Variants in CLEC16A observed in about 807,000 individuals in gnomAD.
CLEC16A encodes the protein protein CLEC16A.
A neutral mutation model predicts 109.5 loss-of-function variants in CLEC16A; 51 were observed. The observed-to-expected ratio is 0.47, with a 90% CI of 0.37 to 0.59. CLEC16A has a LOEUF of 0.59. Ranked by LOEUF, CLEC16A falls within the 20% of genes least tolerant of loss-of-function variation. The pLI, the probability that CLEC16A is intolerant of heterozygous loss-of-function variation, is 0.00. For synonymous variants in CLEC16A, 673 were observed against 564.2 expected (o/e 1.19, Z -2.73); for missense variants, 1,339 against 1,394.0 (o/e 0.96, Z 0.63).
intron 1 of CLEC16A, among the ~76,000 whole-genome samples, chr16:10,952,872 A>T (rs1434800396): frequency 6.6e-6 from 1 of 152,250 alleles, no homozygotes; most frequent in Admixed American, 6.5e-5. Context: ...AACTCTAACA[A>T]TAGATCTGCA....
intron 11 of CLEC16A, among the ~76,000 whole-genome samples, chr16:11,019,352 A>C (rs1267733419): frequency 6.6e-6 from 1 of 152,192 alleles, no homozygotes; most frequent in Non-Finnish European, 1.5e-5. Context: ...TGATTGCTAC[A>C]GGTTACCCTT....
chr16:11,142,434 C>T lies in CLEC16A; in HGVS notation c.2641+16288C>T, dbSNP rs181302213. Among the ~76,000 whole-genome samples the T allele has an allele frequency of 4.6e-4, 70 of 152,366 alleles. 1 individual carries two copies. Among genetic ancestry groups the T allele is most frequent in the Non-Finnish European group, 4.1e-4 (28 of 68,036 alleles). On this transcript the variant is annotated intron_variant, in intron 22 of 23. Coordinates refer to ENST00000409790, the MANE Select transcript of CLEC16A (RefSeq NM_015226.3). ...CCTGTGCTTGGCCCTTGGCACTAAG[C>T]AGCTGTCTAGGCTTCATGAGCCGAG...
In CLEC16A at chr16:11,180,103, C is replaced by A. The variant is rs544827025; in HGVS notation, c.*1413C>A. 3 of 152,410 alleles carry A rather than the reference C, an allele frequency of 2.0e-5. No homozygotes were observed. The South Asian group carries it at 6.2e-4, about 32-fold the overall frequency. The allele number at this position is 152,410 out of a possible 1,614,324, so 9.4% of individuals were successfully genotyped here. ...GTGCCCACCAGGGGCATTAGGTATC[C>A]GCCGGAGCCTGGCCATAGGGTAGTC... On this transcript the variant is annotated 3_prime_UTR_variant, in exon 24 of 24. Transcript: ENST00000409790.
chr16:10,972,482 G>A, intron 5 of CLEC16A, 72 bp from the exon 6 acceptor site: 2 of 1,450,450 alleles, frequency 1.4e-6, no homozygotes, highest in Non-Finnish European at 1.9e-6. Flanking sequence ...ACCTTCCCAG[G>A]TCCTAACCCT....
intron 20 of CLEC16A, among the ~76,000 whole-genome samples, chr16:11,121,710 T>C (rs1421779030): frequency 2.0e-5 from 3 of 150,838 alleles, no homozygotes; most frequent in Non-Finnish European, 3.0e-5. Context: ...TGAAACCCCG[T>C]CTCTACTAAA....
chr16:11,112,789 G>T (rs996079328), intron 19 of CLEC16A, among the ~76,000 whole-genome samples: 4 of 152,230 alleles, frequency 2.6e-5, no homozygotes, highest in Admixed American at 6.5e-5. Flanking sequence ...TTGGAACAAG[G>T]TTCCGCTAGG....
intron 2 of CLEC16A, among the ~76,000 whole-genome samples, chr16:10,960,606 T>G (rs984243772): frequency 1.3e-5 from 2 of 152,232 alleles, no homozygotes; most frequent in African/African-American, 4.8e-5. Context: ...CCCCACACTG[T>G]TCTTTAGAAG....
At chr16:11,114,128 C>CGT (rs3030600) in intron 19 of CLEC16A, among the ~76,000 whole-genome samples, 19,323 of 127,040 alleles carry the variant, frequency 0.15, 1,568 homozygotes, top group Admixed American at 0.22. Context: ...TGAGGATGGC[C>CGT]GTGTGTGTGT....
At chr16:10,956,675 T>G (rs1411143359) in intron 1 of CLEC16A, among the ~76,000 whole-genome samples, 1 of 152,062 alleles carries the variant, frequency 6.6e-6, no homozygotes, top group Non-Finnish European at 1.5e-5. Context: ...ATTCTTTTGG[T>G]CTCCCCCACC....
intron 10 of CLEC16A, among the ~76,000 whole-genome samples, chr16:10,999,064 T>C (rs954764674): frequency 6.6e-6 from 1 of 152,242 alleles, no homozygotes; most frequent in Non-Finnish European, 1.5e-5. Flanking sequence ...TTAGTCCCAA[T>C]GTCCAAATGA....
At chr16:11,064,945 T>C (rs550375061) in intron 19 of CLEC16A, among the ~76,000 whole-genome samples, 2 of 152,320 alleles carry the variant, frequency 1.3e-5, no homozygotes, top group South Asian at 4.1e-4. Flanking sequence ...CTGAAACTCA[T>C]CCTGCTGGGC....
chr16:11,123,205 G>C (rs2052561251), intron 20 of CLEC16A, among the ~76,000 whole-genome samples: 1 of 152,076 alleles, frequency 6.6e-6, no homozygotes, highest in Non-Finnish European at 1.5e-5. Context: ...CCCAGCCCCT[G>C]TCCCTTTCTC....
chr16:11,043,566 T>G (rs931629779), intron 15 of CLEC16A, among the ~76,000 whole-genome samples: 2 of 152,126 alleles, frequency 1.3e-5, no homozygotes, highest in Admixed American at 1.3e-4. Flanking sequence ...CTCTCTCTCA[T>G]TAAGAACTAT....
intron 22 of CLEC16A, among the ~76,000 whole-genome samples, chr16:11,155,357 G>T (rs992949172): frequency 1.3e-5 from 2 of 152,188 alleles, no homozygotes; most frequent in African/African-American, 2.4e-5. Flanking sequence ...GCTGTCACAT[G>T]CCCAGAGCCA....
chr16:11,145,503 C>G (rs2054014541), intron 22 of CLEC16A, among the ~76,000 whole-genome samples: 1 of 152,268 alleles, frequency 6.6e-6, no homozygotes, highest in Non-Finnish European at 1.5e-5. Context: ...CACCACCACA[C>G]CTGTCTCCTG....
At chr16:11,150,396 T>C (rs1338478297) in intron 22 of CLEC16A, 1 of 152,256 alleles carries the variant, frequency 6.6e-6, no homozygotes, top group African/African-American at 2.4e-5. Flanking sequence ...ACACATTCCT[T>C]TTCACGGCTG....
At chr16:10,963,362 A>G (rs1285670573) in intron 3 of CLEC16A, among the ~76,000 whole-genome samples, 1 of 152,166 alleles carries the variant, frequency 6.6e-6, no homozygotes, top group Non-Finnish European at 1.5e-5. Context: ...CCTGAGGGAG[A>G]CATAGTTCAG....
intron 11 of CLEC16A, among the ~76,000 whole-genome samples, chr16:11,010,126 G>A (rs1236523408): frequency 6.7e-6 from 1 of 150,302 alleles, no homozygotes; most frequent in Non-Finnish European, 1.5e-5. Flanking sequence ...CACTCCAGCC[G>A]GGGTGACAGA....
intron 22 of CLEC16A, among the ~76,000 whole-genome samples, chr16:11,138,427 C>T (rs570410587): frequency 6.6e-6 from 1 of 152,152 alleles, no homozygotes; most frequent in South Asian, 2.1e-4. Context: ...CAGCAGGAAG[C>T]CATTGAAGGT....
Sources: allele counts gnomAD v4.1 joint callset (sites outside exome capture counted in the v4.1 genomes callset), GRCh38; gene constraint gnomAD v4.1.1; transcripts MANE v1.5; gene names NCBI Gene and HGNC (gene_info 2026-07-23, HGNC 2026-07-21).